The following NID2 variants were observed in gnomAD, a reference collection of about 807,000 sequenced individuals.
NID2 encodes the protein nidogen 2.
In NID2, 83 loss-of-function variants were observed where a neutral mutation model predicts 145.4. That is an observed-to-expected ratio of 0.57 (90% CI 0.48 to 0.69). The LOEUF is 0.69. Among genes scored for constraint, NID2 ranks in the 30% least tolerant of loss-of-function variants. The pLI, the probability that NID2 is intolerant of heterozygous loss-of-function variation, is 0.00. For missense variants in NID2, 1,807 were observed against 1,765.7 expected (o/e 1.02, Z -0.42); for synonymous variants, 739 against 701.3 (o/e 1.05, Z -0.85).
chr14:52,014,497 G>A (rs747890323), intron 15 of NID2, 41 bp from the exon 16 acceptor site: 36 of 1,565,000 alleles, frequency 2.3e-5, no homozygotes, highest in Non-Finnish European at 3.0e-5. Flanking sequence ...GGGAACAAGG[G>A]CAGGCAGGGA....
intron 2 of NID2, among the ~76,000 whole-genome samples, chr14:52,060,776 ATCATTCATTCAT>A (rs568007974): frequency 6.6e-6 from 1 of 152,170 alleles, no homozygotes; most frequent in Non-Finnish European, 1.5e-5. Flanking sequence ...TCTCATTTGC[ATCATTCATTCAT>A]TCATTCATTC....
intron 9 of NID2, among the ~76,000 whole-genome samples, chr14:52,030,594 GAAAGAAAGAAAGAGAAAGAAAA>G (rs1304844769): frequency 6.4e-5 from 5 of 77,588 alleles, no homozygotes; most frequent in African/African-American, 1.3e-4. Context: ...AAGAAAGAAA[GAAAGAAAGAAAGAGAAAGAAAA>G]AGAAAGAAAG....
intron 14 of NID2, among the ~76,000 whole-genome samples, chr14:52,018,712 G>A (rs889636638): frequency 3.3e-5 from 5 of 152,184 alleles, no homozygotes; most frequent in Non-Finnish European, 5.9e-5. Flanking sequence ...TGGTCAAAAC[G>A]CCAGTCTGGC....
chr14:52,015,975 C>G (rs1566745434), intron 14 of NID2, among the ~76,000 whole-genome samples: 1 of 152,164 alleles, frequency 6.6e-6, no homozygotes, highest in Admixed American at 6.5e-5. Flanking sequence ...CTTTAGCCAC[C>G]CTGCGCCTGG....
chr14:52,030,777 G>A (rs1447079535), intron 9 of NID2, among the ~76,000 whole-genome samples: 6 of 152,152 alleles, frequency 3.9e-5, no homozygotes, highest in Non-Finnish European at 8.8e-5. Context: ...CTTGAGCCCA[G>A]GAGCTTAAGC....
At chr14:52,060,499 T>C in intron 2 of NID2, 143 bp from the exon 3 acceptor site, 1 of 467,134 alleles carries the variant, frequency 2.1e-6, no homozygotes, top group East Asian at 3.1e-5. Context: ...CTCCAAATTG[T>C]TTTTAAACAT....
intron 3 of NID2, among the ~76,000 whole-genome samples, chr14:52,055,871 T>A (rs1390693827): frequency 6.6e-6 from 1 of 152,150 alleles, no homozygotes; most frequent in Non-Finnish European, 1.5e-5. Flanking sequence ...GTACTCATCA[T>A]GTTCATGTGG....
At position 52,038,796 on chromosome 14, in the gene NID2, T is replaced by A. The variant is rs1323813351; in HGVS notation, c.2208A>T (p.Glu736Asp). The part of the protein sequence containing the change: ...VDRVFALYND[E>D]ERVLRFAVTN... ...TCACAGCAAATCTAAGCACTCTTTC[T>A]TCGTCATTATACAAGGCAAAGACCC... Residue 736 changes from glutamate (E) to aspartate (D), a missense_variant, in exon 9 of 22, where the codon GAA (glutamate) becomes GAT (aspartate). Glu to Asp is a conservative substitution (Grantham distance 45, BLOSUM62 2). Transcript: ENST00000216286. 6.2e-7 allele frequency: 1 copy of A among 1,610,332 alleles called. No homozygotes were observed. The highest frequency in any genetic ancestry group is 8.5e-7 in the Non-Finnish European group (1 of 1,178,528).
chr14:52,045,769 C>T (rs1022304875), intron 5 of NID2, among the ~76,000 whole-genome samples: 2 of 152,148 alleles, frequency 1.3e-5, no homozygotes, highest in African/African-American at 4.8e-5. Context: ...ACACACTCAC[C>T]AGTGTGCTCA....
In NID2 at chr14:52,011,055, TAAAGC is replaced by T. The variant is rs777085992; in HGVS notation, c.3551-13_3551-9del. 1.2e-6 allele frequency: 2 copies of T among 1,611,720 alleles called. No individual in the cohort carries two copies. The highest frequency in any genetic ancestry group is 1.7e-6 in the Non-Finnish European group (2 of 1,178,208). The stretch of plus-strand genomic sequence containing the variant: ...CTTCAGGGCTTATCAGACCTGGAAA[TAAAGC>T]AAAGTCAGGACTGGAGTGTTTGCAG... On this transcript the variant is annotated splice_polypyrimidine_tract_variant and intron_variant, in intron 17 of 21. Transcript: ENST00000216286.
chr14:52,005,726 A>C lies in NID2; in HGVS notation c.4117+11T>G. 1 of 1,601,030 alleles carries C rather than the reference A, an allele frequency of 6.2e-7. No individual in the cohort carries two copies. Among genetic ancestry groups the C allele is most frequent in the Non-Finnish European group, 8.6e-7 (1 of 1,168,074 alleles). On this transcript the variant is annotated intron_variant, in intron 21 of 21. Transcript: ENST00000216286. The stretch of plus-strand genomic sequence containing the variant: ...CTAATTTAAAGGAGCATCCTAAAGC[A>C]TACTTTTTACCTGTTGGGCAGTAGG...
intron 5 of NID2, 43 bp downstream of exon 5, chr14:52,053,536 G>A (rs748833638): frequency 6.4e-7 from 1 of 1,564,282 alleles, no homozygotes; most frequent in South Asian, 1.2e-5. Context: ...AAACCAGCAT[G>A]GTTAAGATGA....
At chr14:52,035,878 A>ATATATACACATATATATATATT (rs58318209) in intron 9 of NID2, among the ~76,000 whole-genome samples, 1 of 135,204 alleles carries the variant, frequency 7.4e-6, no homozygotes, top group African/African-American at 2.8e-5. Context: ...ATATATATAT[A>ATATATACACATATATATATATT]TGTTTTATTT....
intron 3 of NID2, among the ~76,000 whole-genome samples, chr14:52,057,003 A>G (rs1053624940): frequency 6.6e-5 from 10 of 152,182 alleles, no homozygotes; most frequent in Non-Finnish European, 8.8e-5. Context: ...AAATTTGAGG[A>G]AGAAAACAAT....
Position 52,042,359 on chromosome 14 carries a change from C to A in NID2, c.1580-9G>T. The A allele has an allele frequency of 6.2e-7, 1 of 1,600,488 alleles. No homozygotes were observed. Reference sequence around the variant, plus strand: ...CACTCGGTGAGGTGCCCCTAAAAGACAGCAAATCCAGTTAGGCTTGGACGT... The same window carrying A: ...CACTCGGTGAGGTGCCCCTAAAAGAAAGCAAATCCAGTTAGGCTTGGACGT... On this transcript the variant is annotated splice_polypyrimidine_tract_variant and intron_variant, in intron 6 of 21. Coordinates refer to ENST00000216286, the MANE Select transcript of NID2 (RefSeq NM_007361.4).
At chr14:52,046,539 G>A (rs891090950) in intron 5 of NID2, among the ~76,000 whole-genome samples, 39 of 152,156 alleles carry the variant, frequency 2.6e-4, no homozygotes, top group African/African-American at 9.4e-4. Flanking sequence ...GTCTAGATAT[G>A]GAGAGTTAAA....
At chr14:52,030,705 G>A (rs935760879) in intron 9 of NID2, among the ~76,000 whole-genome samples, 13 of 151,054 alleles carry the variant, frequency 8.6e-5, no homozygotes, top group Non-Finnish European at 1.8e-4. Flanking sequence ...AAGAAAATTA[G>A]CCGAGCATGG....
At chr14:52,055,118 A>G (rs1210575740) in intron 3 of NID2, among the ~76,000 whole-genome samples, 2 of 152,236 alleles carry the variant, frequency 1.3e-5, no homozygotes, top group East Asian at 3.8e-4. Context: ...TCTTCAATAC[A>G]ATCTGCAAAT....
At chr14:52,039,975 T>C (rs1212512076) in intron 8 of NID2, among the ~76,000 whole-genome samples, 1 of 152,120 alleles carries the variant, frequency 6.6e-6, no homozygotes, top group African/African-American at 2.4e-5. Context: ...GAGTCTTGCT[T>C]TGTCGCCCAG....
Sources: gnomAD v4.1 joint callset for allele counts (sites outside exome capture counted in the v4.1 genomes callset) on GRCh38, gnomAD v4.1.1 for gene constraint, MANE v1.5 for transcripts, NCBI Gene and HGNC (gene_info 2026-07-23, HGNC 2026-07-21) for gene names.